Variants in TBC1D15 observed in about 807,000 individuals in gnomAD.
TBC1D15 encodes the protein TBC1 domain family member 15.
A neutral mutation model predicts 95.4 loss-of-function variants in TBC1D15; 39 were observed. The ratio of observed to expected loss-of-function variants is 0.41; its 90% CI spans 0.32 to 0.53. TBC1D15 has a LOEUF of 0.53. Ranked by LOEUF, TBC1D15 falls within the 20% of genes least tolerant of loss-of-function variation. The probability of loss-of-function intolerance (pLI) is 0.29; values close to 1 mark genes in which losing one functional copy is unlikely to be tolerated. For missense variants in TBC1D15, 733 were observed against 794.3 expected (o/e 0.92, Z 0.93); for synonymous variants, 258 against 261.3 (o/e 0.99, Z 0.12).
At chr12:71,896,609 C>T in intron 8 of TBC1D15, 68 bp from the exon 9 acceptor site, 1 of 1,340,184 alleles carries the variant, frequency 7.5e-7, no homozygotes, top group African/African-American at 1.5e-5. Context: ...TTTTTATATG[C>T]AAGTTTTGTG....
chr12:71,904,466 ATGT>A (rs1489958065), intron 10 of TBC1D15, among the ~76,000 whole-genome samples: 4 of 152,216 alleles, frequency 2.6e-5, no homozygotes, highest in African/African-American at 9.6e-5. Flanking sequence ...GTTTTTAATG[ATGT>A]TGAAAGAAAT....
At chr12:71,887,607 CCT>C (rs1346325181) in intron 5 of TBC1D15, among the ~76,000 whole-genome samples, 4 of 152,086 alleles carry the variant, frequency 2.6e-5, no homozygotes, top group South Asian at 4.1e-4. Flanking sequence ...GGAATATTTT[CCT>C]CTCTTTCTGA....
intron 1 of TBC1D15, among the ~76,000 whole-genome samples, chr12:71,860,850 G>C (rs529763547): frequency 1.3e-5 from 2 of 152,206 alleles, no homozygotes; most frequent in South Asian, 4.2e-4. Context: ...GTATGATGTT[G>C]GCTGTAGAGT....
intron 2 of TBC1D15, among the ~76,000 whole-genome samples, 156 bp from the exon 3 acceptor site, chr12:71,872,771 GAA>G (rs1309921517): frequency 6.6e-6 from 1 of 152,106 alleles, no homozygotes; most frequent in Non-Finnish European, 1.5e-5. Context: ...GGCAGAATTT[GAA>G]AAATCTATGT....
chr12:71,921,727 A>G (rs1342143625), intron 16 of TBC1D15, among the ~76,000 whole-genome samples: 1 of 152,224 alleles, frequency 6.6e-6, no homozygotes, highest in African/African-American at 2.4e-5. Context: ...CAGCAATGAT[A>G]TATTACCCAG....
rs540291372 is a variant in TBC1D15, at chr12:71,919,930, C to A, written c.1600-801C>A. On this transcript the variant is annotated intron_variant, in intron 14 of 16. Coordinates refer to ENST00000485960, the MANE Select transcript of TBC1D15 (RefSeq NM_001146213.3). Reference sequence around the variant, plus strand: ...AAATAAATTCAAACTTTTAATGAAACCTTTGAGGTTAATTGCATTGTAATT... The same window carrying A: ...AAATAAATTCAAACTTTTAATGAAAACTTTGAGGTTAATTGCATTGTAATT... 6.6e-5 allele frequency among the ~76,000 whole-genome samples: 10 copies of A among 152,218 alleles called. No individual in the cohort carries two copies. The South Asian group carries it at 8.3e-4, about 13-fold the overall frequency.
At chr12:71,912,194 T>C (rs1902541286) in intron 11 of TBC1D15, among the ~76,000 whole-genome samples, 1 of 152,178 alleles carries the variant, frequency 6.6e-6, no homozygotes, top group Admixed American at 6.6e-5. Context: ...CTTCCATCTA[T>C]CTTATTCTTT....
chr12:71,920,566 G>C (rs901429503), intron 14 of TBC1D15, among the ~76,000 whole-genome samples, 165 bp from the exon 15 acceptor site: 2 of 152,072 alleles, frequency 1.3e-5, no homozygotes, highest in Non-Finnish European at 2.9e-5. Flanking sequence ...GTAGCTGAAG[G>C]TAAGACTCTC....
At position 71,841,770 on chromosome 12, in the gene TBC1D15, G is replaced by A. The variant is rs142304177; in HGVS notation, c.30+1959G>A. Among the ~76,000 whole-genome samples the A allele has an allele frequency of 3.9e-4, 60 of 152,220 alleles. No homozygotes were observed. In the East Asian group the frequency reaches 0.011, roughly 27 times the overall value. ...TAATCTTCTCTACACCACCACTGGA[G>A]TTATTTTTCTAATGCGCAAACCTGA... On this transcript the variant is annotated intron_variant, in intron 1 of 16. Transcript: ENST00000485960.
Position 71,924,233 on chromosome 12 carries a change from G to A in TBC1D15, c.*1029G>A, listed in dbSNP as rs565552586. On this transcript the variant is annotated 3_prime_UTR_variant, in exon 17 of 17. Coordinates refer to ENST00000485960, the MANE Select transcript of TBC1D15 (RefSeq NM_001146213.3). ...GCAGTATTGCATGATTTTAAGTTATGTGGAATTAACATAACTGATTTTGTT... is the reference window on the plus strand; with the variant it reads ...GCAGTATTGCATGATTTTAAGTTATATGGAATTAACATAACTGATTTTGTT... The A allele has an allele frequency of 1.3e-5, 2 of 152,592 alleles. No individual in the cohort carries two copies. The highest frequency in any genetic ancestry group is 2.9e-5 in the Non-Finnish European group (2 of 68,016). 9.5% of individuals were successfully genotyped at this position (152,592 alleles called of 1,614,324 possible). A position where few individuals can be genotyped will look rare whatever the true frequency, so the allele number is the denominator to read the frequency against.
intron 4 of TBC1D15, among the ~76,000 whole-genome samples, chr12:71,882,260 G>A (rs1211817319): frequency 6.6e-6 from 1 of 152,062 alleles, no homozygotes; most frequent in Non-Finnish European, 1.5e-5. Flanking sequence ...AGTTTCTACT[G>A]CTACATCCTT....
At chr12:71,881,949 G>A (rs1895266594) in intron 4 of TBC1D15, among the ~76,000 whole-genome samples, 1 of 149,864 alleles carries the variant, frequency 6.7e-6, no homozygotes, top group Non-Finnish European at 1.5e-5. Context: ...AGTTAAGGAG[G>A]CATTTTCTAA....
rs745629453 is a variant in TBC1D15 at position 71,872,197 on chromosome 12, A to G, written c.129+29A>G. 6 of 1,309,864 alleles carry G rather than the reference A, an allele frequency of 4.6e-6. No individual in the cohort carries two copies. In the Admixed American group the frequency reaches 9.1e-5, roughly 20 times the overall value. The allele number at this position is 1,309,864 out of a possible 1,614,324, so 81.1% of individuals were successfully genotyped here. Reference sequence around the variant, plus strand: ...AGTTTCTAGTAAATGATTTTATTTAATAATAGTTTATGGTAGTGATTCATC... The same window carrying G: ...AGTTTCTAGTAAATGATTTTATTTAGTAATAGTTTATGGTAGTGATTCATC... On this transcript the variant is annotated intron_variant, in intron 2 of 16. Coordinates refer to ENST00000485960, the MANE Select transcript of TBC1D15 (RefSeq NM_001146213.3).
chr12:71,850,594 G>A (rs1253948003), intron 1 of TBC1D15, among the ~76,000 whole-genome samples: 1 of 151,724 alleles, frequency 6.6e-6, no homozygotes, highest in Admixed American at 6.6e-5. Flanking sequence ...TTTGTTTTGT[G>A]GACGTGGGGT....
At chr12:71,883,219 G>A (rs1353806567) in intron 4 of TBC1D15, among the ~76,000 whole-genome samples, 1 of 151,416 alleles carries the variant, frequency 6.6e-6, no homozygotes, top group Non-Finnish European at 1.5e-5. Context: ...GGTAGTCTAA[G>A]TACATTCATA....
chr12:71,875,180 C>A (rs1213570909), intron 3 of TBC1D15, among the ~76,000 whole-genome samples: 1 of 152,182 alleles, frequency 6.6e-6, no homozygotes, highest in Non-Finnish European at 1.5e-5. Context: ...CTCAAGCAGT[C>A]TGCCCGCCTT....
intron 1 of TBC1D15, among the ~76,000 whole-genome samples, chr12:71,865,039 T>C (rs543608714): frequency 9.2e-5 from 14 of 152,222 alleles, no homozygotes; most frequent in Non-Finnish European, 1.8e-4. Flanking sequence ...GAGACTTAGC[T>C]GAGGGTGTCT....
chr12:71,880,365 G>T, intron 3 of TBC1D15, 104 bp from the exon 4 acceptor site: 1 of 882,490 alleles, frequency 1.1e-6, no homozygotes, highest in Non-Finnish European at 1.7e-6. Flanking sequence ...TCCCACCAGT[G>T]ATGTCGTCTG....
At chr12:71,910,674 G>T (rs1235891120) in intron 11 of TBC1D15, among the ~76,000 whole-genome samples, 1 of 151,948 alleles carries the variant, frequency 6.6e-6, no homozygotes, top group African/African-American at 2.4e-5. Flanking sequence ...GTCTGTTATT[G>T]GTGTATAAGA....
Sources: allele counts gnomAD v4.1 joint callset (sites outside exome capture counted in the v4.1 genomes callset), GRCh38; gene constraint gnomAD v4.1.1; transcripts MANE v1.5; gene names NCBI Gene and HGNC (gene_info 2026-07-23, HGNC 2026-07-21).